Variants in RTTN observed in about 807,000 individuals in gnomAD.
RTTN encodes the protein rotatin.
RTTN carries 182 observed loss-of-function variants against 269.2 expected under a neutral mutation model. The observed-to-expected ratio is 0.68, with a 90% confidence interval of 0.60 to 0.76. RTTN has a LOEUF of 0.76. Among genes scored for constraint, RTTN ranks in the 30% least tolerant of loss-of-function variants. The pLI, the probability that RTTN is intolerant of heterozygous loss-of-function variation, is 0.00. For synonymous variants in RTTN, 1,006 were observed against 963.5 expected (o/e 1.04, Z -0.82); for missense variants, 2,545 against 2,608.6 (o/e 0.98, Z 0.53).
intron 14 of RTTN, among the ~76,000 whole-genome samples, chr18:70,164,226 T>C (rs75403387): frequency 1.3e-4 from 5 of 37,564 alleles, no homozygotes; most frequent in African/African-American, 1.8e-4. Flanking sequence ...TTTTTTTTTT[T>C]CCAGAAATGA....
intron 7 of RTTN, chr18:70,194,450 C>T (rs2061753310): frequency 6.6e-6 from 1 of 152,218 alleles, no homozygotes; most frequent in Non-Finnish European, 1.5e-5. Flanking sequence ...CACTATTATT[C>T]ACTGGGTATT....
intron 25 of RTTN, among the ~76,000 whole-genome samples, chr18:70,122,283 C>T (rs1489067361): frequency 6.6e-6 from 1 of 151,364 alleles, no homozygotes; most frequent in Non-Finnish European, 1.5e-5. Flanking sequence ...TTTAAGAGAG[C>T]TAAAAGATTA....
At chr18:70,057,145 C>T (rs1454486562) in intron 37 of RTTN, among the ~76,000 whole-genome samples, 1 of 152,208 alleles carries the variant, frequency 6.6e-6, no homozygotes, top group Non-Finnish European at 1.5e-5. Flanking sequence ...TCTACTTCAC[C>T]TTTAATTCAT....
At position 70,030,885 on chromosome 18, in the gene RTTN, C is replaced by T. The variant is rs758145815; in HGVS notation, c.5638G>A (p.Ala1880Thr). 9.9e-6 allele frequency: 16 copies of T among 1,611,146 alleles called. 1 individual carries two copies. The highest frequency in any genetic ancestry group is 2.2e-5 in the South Asian group (2 of 90,588). The change falls in exon 41 of 49, where the codon GCT becomes ACT. Residue 1880 changes from alanine to threonine, a missense_variant. By Grantham distance (58) the Ala-to-Thr change is moderately conservative (BLOSUM62 0). Coordinates refer to ENST00000640769, the MANE Select transcript of RTTN (RefSeq NM_173630.4). Reference protein sequence around the residue: ...LAVSRRAQKHALKANLIDNCM... With the variant: ...LAVSRRAQKHTLKANLIDNCM... ...GTGTCATGTGGCTCACCTTTCAAAG[C>T]ATGTTTCTGTGCTCTTCTACTGACA...
At chr18:70,039,656 CAG>C in intron 40 of RTTN, among the ~76,000 whole-genome samples, 1 of 152,228 alleles carries the variant, frequency 6.6e-6, no homozygotes, top group African/African-American at 2.4e-5. Flanking sequence ...CGCAGAAAAA[CAG>C]AGACTATTGT....
intron 26 of RTTN, among the ~76,000 whole-genome samples, chr18:70,118,383 A>C (rs2059651276): frequency 6.6e-6 from 1 of 152,022 alleles, no homozygotes; most frequent in Non-Finnish European, 1.5e-5. Flanking sequence ...AGCTACCAAG[A>C]TGGAATCATG....
In RTTN at chr18:70,166,914, A is replaced by G. The variant is rs1462358467; in HGVS notation, c.1802+5T>C. 6.3e-7 allele frequency: 1 copy of G among 1,591,178 alleles called. No individual in the cohort carries two copies. The highest frequency in any genetic ancestry group is 1.7e-5 in the Admixed American group (1 of 59,348). On this transcript the variant is annotated splice_donor_5th_base_variant and intron_variant, in intron 13 of 48. Coordinates refer to ENST00000640769, the MANE Select transcript of RTTN (RefSeq NM_173630.4). ...ACGTAATCACATTAAGAAAGAAAAT[A>G]TTACATCTTTGAACAAATGCTGATG... is the stretch of plus-strand genomic sequence containing the variant.
chr18:70,054,352 T>C (rs1442927298), intron 37 of RTTN, 68 bp from the exon 38 acceptor site: 42 of 1,413,488 alleles, frequency 3.0e-5, no homozygotes, highest in Non-Finnish European at 4.0e-5. Flanking sequence ...TGATACAGCA[T>C]TTTACTTTTG....
At chr18:70,018,469 T>C (rs2056606757) in intron 45 of RTTN, among the ~76,000 whole-genome samples, 1 of 152,166 alleles carries the variant, frequency 6.6e-6, no homozygotes, top group African/African-American at 2.4e-5. Flanking sequence ...TTAACTTTTA[T>C]GATTGCACAG....
At chr18:70,180,603 A>AAAAAAAAAAAAAC in intron 10 of RTTN, among the ~76,000 whole-genome samples, 1 of 150,848 alleles carries the variant, frequency 6.6e-6, no homozygotes. Flanking sequence ...AAAAAAAAAA[A>AAAAAAAAAAAAAC]AAAAAGCCCT....
chr18:70,138,945 G>T (rs1386554267), intron 21 of RTTN: 1 of 150,962 alleles, frequency 6.6e-6, no homozygotes, highest in Non-Finnish European at 1.5e-5. Flanking sequence ...AAAAAGCAGT[G>T]GCCTAAGTCT....
At chr18:70,019,439 A>G (rs1033275097) in intron 45 of RTTN, 3 of 152,192 alleles carry the variant, frequency 2.0e-5, no homozygotes, top group Admixed American at 1.3e-4. Flanking sequence ...AGAATGTCTC[A>G]TTTTGGAAGT....
chr18:70,199,165 G>A (rs1271255339), intron 5 of RTTN, among the ~76,000 whole-genome samples: 3 of 152,108 alleles, frequency 2.0e-5, no homozygotes, highest in Non-Finnish European at 4.4e-5. Flanking sequence ...CAGCCCGGGT[G>A]ACAGAGTGAG....
rs762667518 is a variant in RTTN, at chr18:70,150,719, G to C, written c.1944C>G (p.Val648=). 20 of 1,601,066 alleles carry C rather than the reference G, an allele frequency of 1.2e-5. No individual in the cohort carries two copies. In the African/African-American group the frequency reaches 2.4e-4, roughly 19 times the overall value. ...CLEITKECLG[V]HNVTKPVSSL... ...AAGACACGGGTTTAGTGACATTATGGACACCTAAACATTCCTGTAAAATAA... is the reference window on the plus strand; with the variant it reads ...AAGACACGGGTTTAGTGACATTATGCACACCTAAACATTCCTGTAAAATAA... Residue 648 remains valine (V), a synonymous_variant, in exon 15 of 49, where the codon GTC becomes GTG. Coordinates refer to ENST00000640769, the MANE Select transcript of RTTN (RefSeq NM_173630.4).
intron 35 of RTTN, among the ~76,000 whole-genome samples, chr18:70,064,393 T>TCAAAGGTAATCCAAA (rs972924086): frequency 4.0e-5 from 5 of 125,690 alleles, no homozygotes; most frequent in African/African-American, 1.5e-4. Flanking sequence ...AAATTTAAAA[T>TCAAAGGTAATCCAAA]CAAAGGTAAT....
intron 37 of RTTN, among the ~76,000 whole-genome samples, chr18:70,056,668 T>C (rs1373956148): frequency 6.6e-6 from 1 of 152,128 alleles, no homozygotes; most frequent in Non-Finnish European, 1.5e-5. Flanking sequence ...TGCTGTTTCT[T>C]GGATAGGCCA....
chr18:70,184,209 T>C (rs1186998243), intron 10 of RTTN, among the ~76,000 whole-genome samples: 3 of 152,146 alleles, frequency 2.0e-5, no homozygotes, highest in African/African-American at 7.2e-5. Flanking sequence ...AATACTCAAA[T>C]GTATAAGACC....
chr18:70,166,314 A>G (rs2060984884), intron 13 of RTTN, 126 bp from the exon 14 acceptor site: 2 of 879,830 alleles, frequency 2.3e-6, no homozygotes, highest in Non-Finnish European at 3.5e-6. Context: ...ATTAAAAATA[A>G]CCAATACTAG....
intron 35 of RTTN, among the ~76,000 whole-genome samples, chr18:70,062,512 C>G (rs1178236558): frequency 6.6e-6 from 1 of 151,924 alleles, no homozygotes; most frequent in Non-Finnish European, 1.5e-5. Context: ...CTGTAAATAT[C>G]ATAAACTATA....
Sources: allele counts gnomAD v4.1 joint callset (sites outside exome capture counted in the v4.1 genomes callset), GRCh38; gene constraint gnomAD v4.1.1; transcripts MANE v1.5; gene names NCBI Gene and HGNC (gene_info 2026-07-23, HGNC 2026-07-21).